Variants in FCHO2 observed in about 807,000 individuals in gnomAD.
FCHO2 encodes the protein F-BAR domain only protein 2.
A neutral mutation model predicts 114.1 loss-of-function variants in FCHO2; 43 were observed. The ratio of observed to expected loss-of-function variants is 0.38; its 90% CI spans 0.30 to 0.49. The LOEUF (loss-of-function observed/expected upper bound fraction) is 0.49, where lower values mean the gene tolerates loss of function less well. Ranked by LOEUF, FCHO2 falls within the 20% of genes least tolerant of loss-of-function variation. FCHO2 has a pLI of 0.97. For missense variants in FCHO2, 807 were observed against 950.4 expected (o/e 0.85, Z 1.98); for synonymous variants, 293 against 315.2 (o/e 0.93, Z 0.75).
intron 6 of FCHO2, among the ~76,000 whole-genome samples, chr5:73,011,262 A>G (rs1226472852): frequency 1.3e-5 from 2 of 152,182 alleles, no homozygotes; most frequent in Non-Finnish European, 2.9e-5. Flanking sequence ...GTTACATTAA[A>G]TTTTATTAAA....
chr5:72,962,542 TAAAAAG>T (rs1055236946), intron 1 of FCHO2, among the ~76,000 whole-genome samples: 7 of 151,998 alleles, frequency 4.6e-5, no homozygotes, highest in Non-Finnish European at 1.0e-4. Flanking sequence ...CATGGAAACT[TAAAAAG>T]GAAGGGAATA....
intron 10 of FCHO2, among the ~76,000 whole-genome samples, chr5:73,038,831 G>A (rs767306673): frequency 6.6e-6 from 1 of 152,062 alleles, no homozygotes; most frequent in South Asian, 2.1e-4. Flanking sequence ...TATAATATTA[G>A]CAATACATAT....
chr5:73,051,476 T>A (rs1401127910), intron 12 of FCHO2, 70 bp downstream of exon 12: 8 of 956,018 alleles, frequency 8.4e-6, no homozygotes, highest in Non-Finnish European at 1.2e-5. Flanking sequence ...AAGAAAATCA[T>A]GTATTAAAGC....
At chr5:72,961,655 C>T (rs903550011) in intron 1 of FCHO2, among the ~76,000 whole-genome samples, 5 of 151,324 alleles carry the variant, frequency 3.3e-5, no homozygotes, top group African/African-American at 9.7e-5. Context: ...AGTGCAATGG[C>T]GCGATCTCAG....
At chr5:72,960,776 G>A (rs1005403408) in intron 1 of FCHO2, among the ~76,000 whole-genome samples, 30 of 152,126 alleles carry the variant, frequency 2.0e-4, no homozygotes, top group African/African-American at 7.0e-4. Flanking sequence ...GGACAAATAA[G>A]TATGTAAAAC....
At chr5:72,995,598 G>A (rs1413870742) in intron 5 of FCHO2, among the ~76,000 whole-genome samples, 1 of 152,102 alleles carries the variant, frequency 6.6e-6, no homozygotes, top group African/African-American at 2.4e-5. Context: ...CAATTATGGA[G>A]GATGAGAAGG....
In FCHO2 at chr5:72,972,378, G is replaced by C. The variant is rs575098371; in HGVS notation, c.125+3789G>C. On this transcript the variant is annotated intron_variant, in intron 2 of 25. Coordinates refer to ENST00000430046, the MANE Select transcript of FCHO2 (RefSeq NM_138782.3). ...TGTTTGTATCCTCTTTTATTTCCTT[G>C]AGCAGTGGTTTGTAGTTCTCCTTGA... Among the ~76,000 whole-genome samples, 270 of 151,954 alleles carry C rather than the reference G, an allele frequency of 1.8e-3. 3 individuals are homozygous for C. Among genetic ancestry groups the C allele is most frequent in the African/African-American group, 6.1e-3 (253 of 41,438 alleles).
chr5:73,005,499 A>T (rs1372632498), intron 5 of FCHO2, among the ~76,000 whole-genome samples: 6 of 152,144 alleles, frequency 3.9e-5, no homozygotes, highest in Non-Finnish European at 7.4e-5. Flanking sequence ...TTACCTCGTC[A>T]AGAAAATGGG....
At chr5:73,008,106 A>T (rs902503448) in intron 6 of FCHO2, among the ~76,000 whole-genome samples, 1 of 152,226 alleles carries the variant, frequency 6.6e-6, no homozygotes, top group Non-Finnish European at 1.5e-5. Context: ...AGGTTACATT[A>T]GGTTGGTGCA....
intron 2 of FCHO2, among the ~76,000 whole-genome samples, chr5:72,977,508 C>G (rs560165952): frequency 6.6e-6 from 1 of 152,220 alleles, no homozygotes; most frequent in African/African-American, 2.4e-5. Context: ...TTTGTGGATT[C>G]TGGATATTAG....
rs41450448 is a variant in FCHO2, at chr5:73,019,623, C to T, written c.796+2315C>T. ...AATGTTTTGGACTGGGATAAGTTAA[C>T]GCTAATCTTTCTACTTGGAAATGTG... On this transcript the variant is annotated intron_variant, in intron 8 of 25. Coordinates refer to ENST00000430046, the MANE Select transcript of FCHO2 (RefSeq NM_138782.3). Among the ~76,000 whole-genome samples, 1,139 of 152,246 alleles carry T rather than the reference C, an allele frequency of 7.5e-3. 19 individuals carry two copies. The highest frequency in any genetic ancestry group is 0.026 in the African/African-American group (1,087 of 41,560).
intron 2 of FCHO2, among the ~76,000 whole-genome samples, chr5:72,971,913 A>C (rs976228214): frequency 1.1e-4 from 16 of 152,002 alleles, no homozygotes; most frequent in Non-Finnish European, 1.9e-4. Context: ...TCAGCTTTCT[A>C]CATATGGCTA....
At chr5:72,958,815 A>G (rs550046157) in intron 1 of FCHO2, among the ~76,000 whole-genome samples, 1 of 152,254 alleles carries the variant, frequency 6.6e-6, no homozygotes, top group Non-Finnish European at 1.5e-5. Context: ...TTTTTGATGC[A>G]TGAATGTTTT....
At chr5:72,969,408 G>A (rs966733409) in intron 2 of FCHO2, among the ~76,000 whole-genome samples, 7 of 152,114 alleles carry the variant, frequency 4.6e-5, no homozygotes, top group South Asian at 2.1e-4. Flanking sequence ...CTATAAGTTC[G>A]GTTCTTTTCT....
chr5:73,067,753 T>G (rs1742423559), intron 18 of FCHO2, among the ~76,000 whole-genome samples: 1 of 151,934 alleles, frequency 6.6e-6, no homozygotes, highest in Admixed American at 6.6e-5. Context: ...AATACTTTTA[T>G]AAGCAGGAAA....
intron 15 of FCHO2, 87 bp from the exon 16 acceptor site, chr5:73,055,978 T>C: frequency 1.2e-6 from 1 of 847,090 alleles, no homozygotes. Flanking sequence ...GTTATAGTGT[T>C]GAGATATGTG....
At chr5:73,043,181 T>G (rs920390120) in intron 11 of FCHO2, among the ~76,000 whole-genome samples, 14 of 152,106 alleles carry the variant, frequency 9.2e-5, no homozygotes, top group African/African-American at 3.4e-4. Context: ...ATTTTCCTGC[T>G]TCAGTCTCCC....
intron 5 of FCHO2, among the ~76,000 whole-genome samples, chr5:73,001,743 C>T (rs1580080113): frequency 6.6e-6 from 1 of 151,884 alleles, no homozygotes; most frequent in East Asian, 1.9e-4. Context: ...TCAAAACCAG[C>T]CTGGGCAACA....
At chr5:73,044,095 G>A (rs1756940519) in intron 11 of FCHO2, among the ~76,000 whole-genome samples, 1 of 152,074 alleles carries the variant, frequency 6.6e-6, no homozygotes, top group African/African-American at 2.4e-5. Context: ...TCTTACTCTG[G>A]CCATGTAAGA....
Sources: gnomAD v4.1 joint callset for allele counts (sites outside exome capture counted in the v4.1 genomes callset) on GRCh38, gnomAD v4.1.1 for gene constraint, MANE v1.5 for transcripts, NCBI Gene and HGNC (gene_info 2026-07-23, HGNC 2026-07-21) for gene names.